P4HA2: variants seen among roughly 807,000 people sequenced by gnomAD.
The protein encoded by P4HA2 is prolyl 4-hydroxylase subunit alpha-2.
In P4HA2, 46 loss-of-function variants were observed where a neutral mutation model predicts 76.9. The observed-to-expected ratio is 0.60, with a 90% CI of 0.47 to 0.76. The LOEUF (loss-of-function observed/expected upper bound fraction) is 0.76, where lower values mean the gene tolerates loss of function less well. Among genes scored for constraint, P4HA2 ranks in the 30% least tolerant of loss-of-function variants. P4HA2 has a pLI of 0.00. For synonymous variants in P4HA2, 243 were observed against 254.0 expected (o/e 0.96, Z 0.41); for missense variants, 583 against 669.4 (o/e 0.87, Z 1.42).
chr5:132,200,396 T>C (rs1751315642), intron 10 of P4HA2: 1 of 160,310 alleles, frequency 6.2e-6, no homozygotes, highest in Non-Finnish European at 1.5e-5. Context: ...GTACCAAAAA[T>C]ACCTGGAAAT....
chr5:132,198,157 C>T, intron 12 of P4HA2, 164 bp downstream of exon 12: 5 of 1,612,384 alleles, frequency 3.1e-6, no homozygotes, highest in Non-Finnish European at 4.2e-6. Context: ...TAAGGCAGCC[C>T]TCTGGACCCA....
intron 12 of P4HA2, chr5:132,195,694 T>A (rs535352167): frequency 1.7e-6 from 1 of 591,498 alleles, no homozygotes; most frequent in South Asian, 2.0e-5. Flanking sequence ...ATGTCATGAG[T>A]GTTCAAGAGT....
At chr5:132,207,580 A>C (rs1354314433) in intron 8 of P4HA2, 128 bp downstream of exon 8, 1 of 706,172 alleles carries the variant, frequency 1.4e-6, no homozygotes, top group African/African-American at 1.8e-5. Context: ...CTGTATCCCC[A>C]CGGTAGGCCC....
At chr5:132,195,637 C>T in intron 12 of P4HA2, 157 bp from the exon 13 acceptor site, 1 of 658,738 alleles carries the variant, frequency 1.5e-6, no homozygotes, top group Non-Finnish European at 2.8e-6. Flanking sequence ...CCAAGAAAGG[C>T]TCTTCCCATG....
In P4HA2 at chr5:132,216,162, CAAAAAAA is replaced by C. The variant is rs5871448; in HGVS notation, c.331+1028_331+1034del. Among the ~76,000 whole-genome samples the C allele has an allele frequency of 3.1e-3, 193 of 63,152 alleles. 1 individual carries two copies. Among genetic ancestry groups the C allele is most frequent in the African/African-American group, 0.013 (187 of 14,646 alleles). 41.4% of individuals were successfully genotyped at this position (63,152 alleles called of 152,430 possible). ...CTGGTGACAGAGTGAGACTCAGTCT[CAAAAAAA>C]AAAAAAAAAAAAAAAAAAGTCAGTG... On this transcript the variant is annotated intron_variant, in intron 4 of 14. Coordinates refer to ENST00000360568, the MANE Select transcript of P4HA2 (RefSeq NM_001017974.2).
intron 5 of P4HA2, among the ~76,000 whole-genome samples, chr5:132,211,140 C>T (rs1052570390): frequency 6.6e-6 from 1 of 152,186 alleles, no homozygotes; most frequent in Non-Finnish European, 1.5e-5. Context: ...GTTGCAGTGC[C>T]AGCTTTGGCT....
At chr5:132,196,704 T>C (rs1750690849) in intron 12 of P4HA2, among the ~76,000 whole-genome samples, 1 of 151,490 alleles carries the variant, frequency 6.6e-6, no homozygotes, top group South Asian at 2.1e-4. Flanking sequence ...CTACTAAAAA[T>C]ACAAAAATTA....
At chr5:132,201,223 CAA>C (rs993552640) in intron 10 of P4HA2, 7 of 152,220 alleles carry the variant, frequency 4.6e-5, no homozygotes, top group African/African-American at 1.7e-4. Context: ...ATCATGCAGC[CAA>C]AGTCTTCAAT....
chr5:132,203,426 G>C, intron 10 of P4HA2: 1 of 309,984 alleles, frequency 3.2e-6, no homozygotes, highest in Non-Finnish European at 6.2e-6. Flanking sequence ...AGCTCTCTTA[G>C]AGATGTCCCT....
chr5:132,222,502 C>T (rs1754782153), intron 1 of P4HA2, among the ~76,000 whole-genome samples: 1 of 152,160 alleles, frequency 6.6e-6, no homozygotes, highest in Admixed American at 6.5e-5. Flanking sequence ...GGCCTTCCTC[C>T]CACCTCTGCT....
chr5:132,197,398 G>A (rs970688885), intron 12 of P4HA2, among the ~76,000 whole-genome samples: 5 of 151,818 alleles, frequency 3.3e-5, no homozygotes, highest in Non-Finnish European at 1.5e-5. Context: ...ACCTGAGGTC[G>A]GGAGTTTGAG....
Position 132,196,507 on chromosome 5 carries a change from C to T in P4HA2, c.1366-1027G>A, listed in dbSNP as rs577794474. Reference sequence around the variant, plus strand: ...TGATATGTTACTTCCAAAGAGAGGCCTCCACTGAACCCCAAGCCTGGGGTT... The same window carrying T: ...TGATATGTTACTTCCAAAGAGAGGCTTCCACTGAACCCCAAGCCTGGGGTT... On this transcript the variant is annotated intron_variant, in intron 12 of 14. Coordinates refer to ENST00000360568, the MANE Select transcript of P4HA2 (RefSeq NM_001017974.2). 9.2e-5 allele frequency among the ~76,000 whole-genome samples: 14 copies of T among 152,306 alleles called. No homozygotes were observed. In the South Asian group the frequency reaches 2.9e-3, roughly 32 times the overall value.
chr5:132,210,257 T>A, intron 6 of P4HA2, 27 bp downstream of exon 6: 2 of 1,613,304 alleles, frequency 1.2e-6, no homozygotes, highest in Non-Finnish European at 1.7e-6. Flanking sequence ...TCCATTCCCA[T>A]CTTACCTTCC....
intron 7 of P4HA2, 69 bp from the exon 8 acceptor site, chr5:132,207,953 G>T: frequency 8.0e-7 from 1 of 1,250,836 alleles, no homozygotes; most frequent in Non-Finnish European, 1.1e-6. Flanking sequence ...CTGGCTGTCT[G>T]CAGACACTGG....
chr5:132,193,127 T>C (rs1183406365), intron 14 of P4HA2, 47 bp from the exon 15 acceptor site: 20 of 1,337,226 alleles, frequency 1.5e-5, no homozygotes, highest in East Asian at 2.3e-5. Flanking sequence ...GTCAGTTTAG[T>C]AGCCTGAATG....
At chr5:132,225,062 A>C (rs1011606635) in intron 1 of P4HA2, among the ~76,000 whole-genome samples, 1 of 151,750 alleles carries the variant, frequency 6.6e-6, no homozygotes, top group Admixed American at 6.6e-5. Flanking sequence ...AAAAAAAAAA[A>C]AAAAAAACTG....
intron 12 of P4HA2, 48 bp downstream of exon 12, chr5:132,198,272 CT>C: frequency 6.2e-7 from 1 of 1,614,210 alleles, no homozygotes; most frequent in African/African-American, 1.3e-5. Flanking sequence ...GCTCATCATT[CT>C]ACAAAATTAA....
chr5:132,216,246 C>T (rs1753879781), intron 4 of P4HA2, among the ~76,000 whole-genome samples: 1 of 151,548 alleles, frequency 6.6e-6, no homozygotes, highest in African/African-American at 2.4e-5. Flanking sequence ...CACCTCCAGG[C>T]CCACCGTACC....
At chr5:132,197,764 C>T (rs1337358911) in intron 12 of P4HA2, among the ~76,000 whole-genome samples, 1 of 151,994 alleles carries the variant, frequency 6.6e-6, no homozygotes, top group Non-Finnish European at 1.5e-5. Flanking sequence ...CGACAGAAAG[C>T]AGAATGGTGG....
Sources: allele counts gnomAD v4.1 joint callset (sites outside exome capture counted in the v4.1 genomes callset), GRCh38; gene constraint gnomAD v4.1.1; transcripts MANE v1.5; gene names NCBI Gene and HGNC (gene_info 2026-07-23, HGNC 2026-07-21).